Variants in DYNLT5 observed in about 807,000 individuals in gnomAD.
DYNLT5 encodes dynein light chain Tctex-type 5.
Under a neutral mutation model 19.3 loss-of-function variants are expected in DYNLT5, and 25 were observed. The ratio of observed to expected loss-of-function variants is 1.30; its 90% CI spans 0.95 to 1.81. The LOEUF is 1.81. Among genes scored for constraint, DYNLT5 ranks in the 40% most tolerant of loss-of-function variants. The pLI is 0.00. For synonymous variants in DYNLT5, 82 were observed against 68.9 expected (o/e 1.19, Z -0.94); for missense variants, 232 against 217.9 (o/e 1.06, Z -0.41).
chr1:66,755,899 C>T (rs901193482), intron 2 of DYNLT5: 3 of 152,172 alleles, frequency 2.0e-5, no homozygotes, highest in Admixed American at 6.5e-5. Context: ...ATTCAACTTA[C>T]GTTTTCCAAG....
At chr1:66,772,321 AG>A (rs1186228544) in intron 3 of DYNLT5, among the ~76,000 whole-genome samples, 1 of 152,202 alleles carries the variant, frequency 6.6e-6, no homozygotes, top group African/African-American at 2.4e-5. Context: ...ATGGCAAGAG[AG>A]GGAACAAGAG....
chr1:66,771,060 C>T (rs1424961612), intron 3 of DYNLT5, among the ~76,000 whole-genome samples: 1 of 152,182 alleles, frequency 6.6e-6, no homozygotes, highest in East Asian at 1.9e-4. Context: ...CCCACTATTA[C>T]CTGAATTCAT....
intron 2 of DYNLT5, among the ~76,000 whole-genome samples, chr1:66,760,340 T>C (rs906469800): frequency 6.6e-6 from 1 of 152,172 alleles, no homozygotes; most frequent in Non-Finnish European, 1.5e-5. Context: ...AAATAGTGCC[T>C]GGCATATAAT....
chr1:66,760,102 T>C (rs575133139), intron 2 of DYNLT5, among the ~76,000 whole-genome samples: 4 of 152,190 alleles, frequency 2.6e-5, no homozygotes, highest in Non-Finnish European at 5.9e-5. Context: ...CATTTGAAAT[T>C]GCACATCACA....
chr1:66,775,792 A>G (rs1001728417), intron 3 of DYNLT5, among the ~76,000 whole-genome samples: 1 of 152,212 alleles, frequency 6.6e-6, no homozygotes, highest in Admixed American at 6.5e-5. Flanking sequence ...GTAAGGACAC[A>G]GGAGCACCTT....
chr1:66,769,328 A>G (rs1175867217), intron 2 of DYNLT5, among the ~76,000 whole-genome samples: 1 of 152,170 alleles, frequency 6.6e-6, no homozygotes, highest in Non-Finnish European at 1.5e-5. Context: ...GCATTAAAGG[A>G]TTTTTAAAAA....
chr1:66,766,682 A>G lies in DYNLT5; in HGVS notation c.120-3705A>G, dbSNP rs547093760. 2.8e-4 allele frequency among the ~76,000 whole-genome samples: 43 copies of G among 151,794 alleles called. 1 individual carries two copies. In the South Asian group the frequency reaches 8.4e-3, roughly 29 times the overall value. On this transcript the variant is annotated intron_variant, in intron 2 of 4. Coordinates refer to ENST00000282670, the MANE Select transcript of DYNLT5 (RefSeq NM_152665.3). Reference sequence around the variant, plus strand: ...AAATATCTTATTTTTTCTATTCAACATTTTCCTTCTTTTTTGTTCTCTCCC... The same window carrying G: ...AAATATCTTATTTTTTCTATTCAACGTTTTCCTTCTTTTTTGTTCTCTCCC...
At chr1:66,766,083 TATTAC>T (rs752615003) in intron 2 of DYNLT5, among the ~76,000 whole-genome samples, 14 of 152,382 alleles carry the variant, frequency 9.2e-5, no homozygotes, top group Middle Eastern at 3.4e-3. Flanking sequence ...GACTTTCTTT[TATTAC>T]ATTACTTTTC....
At chr1:66,776,146 C>T in intron 3 of DYNLT5, 133 bp from the exon 4 acceptor site, 1 of 1,212,200 alleles carries the variant, frequency 8.2e-7, no homozygotes, top group African/African-American at 1.5e-5. Flanking sequence ...ATTAGAGCCA[C>T]TTGTTTCTTT....
At chr1:66,752,676 G>A in intron 1 of DYNLT5, 92 bp downstream of exon 1, 1 of 801,182 alleles carries the variant, frequency 1.2e-6, no homozygotes, top group Non-Finnish European at 1.5e-6. Flanking sequence ...GCCCTACTTG[G>A]CCCCGATCTC....
intron 2 of DYNLT5, among the ~76,000 whole-genome samples, chr1:66,768,306 G>C (rs1572549137): frequency 6.6e-6 from 1 of 152,188 alleles, no homozygotes; most frequent in South Asian, 2.1e-4. Flanking sequence ...ATGTTAACAG[G>C]GGTTAGAGAA....
intron 2 of DYNLT5, among the ~76,000 whole-genome samples, chr1:66,760,606 A>T (rs1162071887): frequency 6.6e-6 from 1 of 152,174 alleles, no homozygotes; most frequent in Non-Finnish European, 1.5e-5. Context: ...ATCTATTTTT[A>T]AAAAACCCAA....
Position 66,770,384 on chromosome 1 carries a change from T to C in DYNLT5, c.120-3T>C. 1.9e-6 allele frequency: 3 copies of C among 1,604,140 alleles called. No homozygotes were observed. The highest frequency in any genetic ancestry group is 2.6e-6 in the Non-Finnish European group (3 of 1,172,844). On this transcript the variant is annotated splice_polypyrimidine_tract_variant and splice_region_variant and intron_variant, in intron 2 of 4. Coordinates refer to ENST00000282670, the MANE Select transcript of DYNLT5 (RefSeq NM_152665.3). ...TAAAATTTGTTTTCTCCCTTGTTTT[T>C]AGTTCTATGAGTACTGTGTCTTATA...
chr1:66,776,564 T>G (rs536516487), intron 4 of DYNLT5, among the ~76,000 whole-genome samples, 161 bp downstream of exon 4: 1,724 of 150,944 alleles, frequency 0.011, 45 homozygotes, highest in African/African-American at 0.04. Context: ...TGTGTGGGTG[T>G]GTGTGTGTGT....
At chr1:66,757,077 A>G (rs2094637258) in intron 2 of DYNLT5, among the ~76,000 whole-genome samples, 1 of 152,176 alleles carries the variant, frequency 6.6e-6, no homozygotes, top group South Asian at 2.1e-4. Context: ...TTCGATATGC[A>G]CTATATTTGG....
intron 4 of DYNLT5, among the ~76,000 whole-genome samples, chr1:66,776,870 AG>A (rs1337891477): frequency 6.6e-6 from 1 of 152,182 alleles, no homozygotes; most frequent in Non-Finnish European, 1.5e-5. Flanking sequence ...GTTATATTAC[AG>A]GAGACTCCAG....
intron 2 of DYNLT5, among the ~76,000 whole-genome samples, chr1:66,766,371 A>G (rs868707586): frequency 3.3e-5 from 5 of 152,206 alleles, no homozygotes; most frequent in African/African-American, 1.2e-4. Context: ...TGTGCCAGGT[A>G]TATGGCACTG....
intron 2 of DYNLT5, among the ~76,000 whole-genome samples, chr1:66,762,612 T>G (rs1432056980): frequency 6.6e-6 from 1 of 152,204 alleles, no homozygotes; most frequent in Admixed American, 6.5e-5. Flanking sequence ...GAATGGTGAA[T>G]CCTTTTCAAC....
At chr1:66,763,608 G>A (rs888139314) in intron 2 of DYNLT5, among the ~76,000 whole-genome samples, 2 of 152,210 alleles carry the variant, frequency 1.3e-5, no homozygotes, top group African/African-American at 4.8e-5. Context: ...AGCACTTGCT[G>A]CTTCACCTTG....
Sources: gnomAD v4.1 joint callset for allele counts (sites outside exome capture counted in the v4.1 genomes callset) on GRCh38, gnomAD v4.1.1 for gene constraint, MANE v1.5 for transcripts, NCBI Gene and HGNC (gene_info 2026-07-23, HGNC 2026-07-21) for gene names.